Variants in RPS12 observed in about 807,000 individuals in gnomAD.
The protein encoded by RPS12 is ribosomal protein S12, also known as small ribosomal subunit protein eS12.
RPS12 carries 1 observed loss-of-function variant against 17.2 expected under a neutral mutation model. That is an observed-to-expected ratio of 0.06 (90% confidence interval 0.02 to 0.28). RPS12 has a LOEUF of 0.28. Among genes scored for constraint, RPS12 ranks in the 10% least tolerant of loss-of-function variants. RPS12 has a pLI of 1.00. For synonymous variants in RPS12, 67 were observed against 54.0 expected (o/e 1.24, Z -1.06); for missense variants, 146 against 162.1 (o/e 0.90, Z 0.54).
chr6:132,815,672 A>G (rs755532731), intron 3 of RPS12: 3 of 456,632 alleles, frequency 6.6e-6, no homozygotes, highest in Non-Finnish European at 4.4e-6. Flanking sequence ...TTAAGGTTTT[A>G]CAGGACAAGT....
Position 132,816,519 on chromosome 6 carries a change from T to C in RPS12, c.190T>C (p.Leu64=). The change falls in exon 4 of 6, where the codon TTG becomes CTG. Residue 64 remains leucine, a synonymous_variant. Transcript: ENST00000230050. The stretch of plus-strand genomic sequence containing the variant: ...CTGTGATGAGCCTATGTATGTCAAG[T>C]TGGTGGAGGCCCTTTGTGCTGAACA... ...SNCDEPMYVK[L]VEALCAEHQI... 1 of 1,605,304 alleles carries C rather than the reference T, an allele frequency of 6.2e-7. No homozygotes were observed.
chr6:132,816,589 G>A, intron 4 of RPS12, 26 bp downstream of exon 4: 1 of 1,471,864 alleles, frequency 6.8e-7, no homozygotes, highest in Non-Finnish European at 9.4e-7. Context: ...ATTGTGTTGG[G>A]ACTAATGTTC....
In RPS12 at chr6:132,817,005, A is replaced by G; in HGVS notation, c.280A>G (p.Ile94Val). Residue 94 changes from isoleucine (I) to valine (V), a missense_variant, in exon 5 of 6, where the codon ATT becomes GTT. This residue lies in a region of RPS12 where 29 missense variants were observed against 57.5 expected (regional missense o/e 0.50). Transcript: ENST00000230050. ...KLGEWVGLCKIDREGKPRKVV... is the reference protein window; with the variant it reads ...KLGEWVGLCKVDREGKPRKVV... Reference sequence around the variant, plus strand: ...AGGAGAATGGGTAGGCCTTTGTAAAATTGACAGAGAGGGGAAACCCCGTAA... The same window carrying G: ...AGGAGAATGGGTAGGCCTTTGTAAAGTTGACAGAGAGGGGAAACCCCGTAA... 6.2e-7 allele frequency: 1 copy of G among 1,613,172 alleles called. No individual in the cohort carries two copies. Among genetic ancestry groups the G allele is most frequent in the Non-Finnish European group, 8.5e-7 (1 of 1,179,688 alleles).
intron 4 of RPS12, 44 bp downstream of exon 4, chr6:132,816,607 C>A: frequency 1.6e-6 from 2 of 1,287,722 alleles, no homozygotes; most frequent in Non-Finnish European, 2.2e-6. Flanking sequence ...TTCAGTGATG[C>A]TTGTATATGG....
intron 3 of RPS12, 143 bp from the exon 4 acceptor site, chr6:132,816,318 C>G: frequency 1.6e-6 from 1 of 631,648 alleles, no homozygotes. Context: ...CAGACTCAAG[C>G]AATTTTGTAC....
chr6:132,815,828 C>CT (rs368180955), intron 3 of RPS12: 297 of 396,106 alleles, frequency 7.5e-4, no homozygotes, highest in Admixed American at 1.5e-3. Context: ...ATGCCACAGT[C>CT]TTTTTTTTTT....
chr6:132,817,371 T>A (rs766920332), intron 5 of RPS12, 109 bp from the exon 6 acceptor site: 21 of 856,326 alleles, frequency 2.5e-5, no homozygotes. Flanking sequence ...GGGAAACATT[T>A]TTATAAGACA....
intron 3 of RPS12, chr6:132,815,381 T>G (rs766233445): frequency 1.7e-6 from 1 of 591,394 alleles, no homozygotes; most frequent in Non-Finnish European, 3.2e-6. Flanking sequence ...CTGACAAACC[T>G]GTAGGTTGTG....
intron 1 of RPS12, 35 bp downstream of exon 1, chr6:132,814,648 T>G: frequency 8.5e-7 from 1 of 1,180,882 alleles, no homozygotes; most frequent in Admixed American, 1.7e-5. Flanking sequence ...GGTGTATTGG[T>G]TATAATTTGT....
At chr6:132,817,298 C>G in intron 5 of RPS12, 182 bp from the exon 6 acceptor site, 1 of 774,454 alleles carries the variant, frequency 1.3e-6, no homozygotes, top group Non-Finnish European at 2.3e-6. Flanking sequence ...AGCCATGTTA[C>G]GAGCCTTAAG....
Position 132,814,711 on chromosome 6 carries a change from G to A in RPS12, c.-37-21G>A, listed in dbSNP as rs900969402. On this transcript the variant is annotated intron_variant, in intron 1 of 5. Transcript: ENST00000230050. The stretch of plus-strand genomic sequence containing the variant: ...TGACGAGTATCTGGTTCTTTAACAA[G>A]TCAATGCTTTTGTTTTTTAGTGCGT... 3.3e-5 allele frequency: 53 copies of A among 1,596,670 alleles called. No homozygotes were observed. In the East Asian group the frequency reaches 4.0e-4, roughly 12 times the overall value.
intron 3 of RPS12, chr6:132,815,498 G>A: frequency 2.4e-6 from 1 of 409,426 alleles, no homozygotes. Flanking sequence ...TCAAACTCAG[G>A]TTTCAGAAGC....
intron 3 of RPS12, chr6:132,815,983 C>G (rs982797885): frequency 2.5e-5 from 11 of 444,266 alleles, no homozygotes; most frequent in Non-Finnish European, 4.0e-5. Context: ...AGGCACACGC[C>G]ACCATGCCCA....
chr6:132,815,878 T>C, intron 3 of RPS12: 1 of 443,924 alleles, frequency 2.3e-6, no homozygotes, highest in South Asian at 1.6e-5. Context: ...AGTCTTGCTC[T>C]GTCCCCCAGG....
At chr6:132,815,150 G>A (rs1782016879) in intron 3 of RPS12, 62 bp downstream of exon 3, 2 of 1,056,976 alleles carry the variant, frequency 1.9e-6, no homozygotes, top group East Asian at 4.7e-5. Context: ...CCACCCAAGG[G>A]AAGAAGGCAT....
chr6:132,817,114 A>T, intron 5 of RPS12, 53 bp downstream of exon 5: 1 of 1,080,758 alleles, frequency 9.3e-7, no homozygotes. Context: ...ATCATATAAA[A>T]CCTTGTATTG....
chr6:132,815,534 T>C, intron 3 of RPS12: 1 of 427,964 alleles, frequency 2.3e-6, no homozygotes, highest in Non-Finnish European at 4.7e-6. Context: ...AATTTAGTAG[T>C]ATAATAGCTG....
intron 4 of RPS12, 132 bp downstream of exon 4, chr6:132,816,695 T>C: frequency 1.3e-6 from 1 of 785,500 alleles, no homozygotes; most frequent in Non-Finnish European, 2.3e-6. Context: ...TGTCGGCCAT[T>C]TTAAAGATGA....
Position 132,814,633 on chromosome 6 carries a change from A to T in RPS12, c.-38+20A>T. On this transcript the variant is annotated intron_variant, in intron 1 of 5. Coordinates refer to ENST00000230050, the MANE Select transcript of RPS12 (RefSeq NM_001016.4). ...CTTGGGGTAAGTTGAGCGAGGCGGC[A>T]GGGGGGTGTATTGGTTATAATTTGT... 3 of 1,059,010 alleles carry T rather than the reference A, an allele frequency of 2.8e-6. No individual in the cohort carries two copies. The highest frequency in any genetic ancestry group is 1.3e-5 in the South Asian group (1 of 78,686). 65.6% of individuals were successfully genotyped at this position (1,059,010 alleles called of 1,614,324 possible). A position where few individuals can be genotyped will look rare whatever the true frequency, so the allele number is the denominator to read the frequency against.
Sources: gnomAD v4.1 joint callset for allele counts on GRCh38, gnomAD v4.1.1 for gene constraint, gnomAD v4.1.1 regional missense constraint, MANE v1.5 for transcripts, NCBI Gene and HGNC (gene_info 2026-07-23, HGNC 2026-07-21) for gene names.